ALG14: variants seen among roughly 807,000 people sequenced by gnomAD.
The protein encoded by ALG14 is UDP-N-acetylglucosamine transferase subunit ALG14.
Under a neutral mutation model 22.8 loss-of-function variants are expected in ALG14, and 17 were observed. That is an observed-to-expected ratio of 0.75 (90% CI 0.51 to 1.12). The LOEUF (loss-of-function observed/expected upper bound fraction) is 1.12. Among genes scored for constraint, ALG14 ranks in the 50% most tolerant of loss-of-function variants. The pLI is 0.00. For synonymous variants in ALG14, 89 were observed against 103.7 expected, an observed-to-expected ratio of 0.86 and a Z score of 0.86; for missense variants, 288 against 271.8, an observed-to-expected ratio of 1.06 and a Z score of -0.42.
rs142873352 is a variant in ALG14 at position 95,060,983 on chromosome 1, A to T, written c.288+3883T>A. 2.3e-3 allele frequency among the ~76,000 whole-genome samples: 354 copies of T among 152,340 alleles called. 3 individuals are homozygous for T. Among genetic ancestry groups the T allele is most frequent in the African/African-American group, 8.1e-3 (337 of 41,570 alleles). ...CAACCGGTATCCTCATAAAAAAGGC[A>T]TGTGAAGACAGAGATACAGAAAAGG... is the stretch of plus-strand genomic sequence containing the variant. On this transcript the variant is annotated intron_variant, in intron 2 of 3. Coordinates refer to ENST00000370205, the MANE Select transcript of ALG14 (RefSeq NM_144988.4).
chr1:95,069,194 A>G (rs1429716869), intron 1 of ALG14, among the ~76,000 whole-genome samples: 4 of 152,348 alleles, frequency 2.6e-5, no homozygotes, highest in East Asian at 1.9e-4. Context: ...ACTGAAAAAG[A>G]TAAGTCATGT....
intron 3 of ALG14, chr1:94,983,576 G>C: frequency 4.5e-6 from 2 of 442,100 alleles, no homozygotes; most frequent in Non-Finnish European, 8.3e-6. Flanking sequence ...AGTTCCTGGT[G>C]CTCAGTCAGC....
At chr1:95,047,626 G>T (rs1452635839) in intron 2 of ALG14, among the ~76,000 whole-genome samples, 1 of 152,198 alleles carries the variant, frequency 6.6e-6, no homozygotes, top group African/African-American at 2.4e-5. Flanking sequence ...TTACAGGTGT[G>T]AGCCACAGTG....
At position 95,030,587 on chromosome 1, in the gene ALG14, C is replaced by T. The variant is rs1035847334; in HGVS notation, c.289-3327G>A. On this transcript the variant is annotated intron_variant, in intron 2 of 3. Transcript: ENST00000370205. The stretch of plus-strand genomic sequence containing the variant: ...TTAAGGCTGTGAGCATACAACTTTA[C>T]GAAGCAGCAGCAATGAACAACATTT... 6.6e-5 allele frequency among the ~76,000 whole-genome samples: 10 copies of T among 152,246 alleles called. No individual in the cohort carries two copies. In the East Asian group the frequency reaches 1.3e-3, roughly 21 times the overall value.
chr1:95,013,565 C>T (rs1007424031), intron 3 of ALG14, among the ~76,000 whole-genome samples: 5 of 152,158 alleles, frequency 3.3e-5, no homozygotes, highest in African/African-American at 1.2e-4. Context: ...GTGACCCACC[C>T]TCCTCAGCCT....
rs141086244 is a variant in ALG14, at chr1:94,992,472, A to G, written c.421-9166T>C. 1.1e-4 allele frequency among the ~76,000 whole-genome samples: 17 copies of G among 152,310 alleles called. No individual in the cohort carries two copies. In the East Asian group the frequency reaches 3.3e-3, roughly 29 times the overall value. On this transcript the variant is annotated intron_variant, in intron 3 of 3. Transcript: ENST00000370205. ...GTATTCTGGGCAGAATCAGATACTG[A>G]TAAGAGCAAGAGGCAGTAAAGAGGA...
chr1:95,065,126 T>A, intron 1 of ALG14, 109 bp from the exon 2 acceptor site: 1 of 890,654 alleles, frequency 1.1e-6, no homozygotes. Flanking sequence ...GGGGGCACTG[T>A]AATTGTATAT....
intron 2 of ALG14, among the ~76,000 whole-genome samples, chr1:95,037,327 A>G (rs1385310485): frequency 6.6e-6 from 1 of 152,170 alleles, no homozygotes; most frequent in East Asian, 1.9e-4. Context: ...CCTGGCTACA[A>G]TGATTAGCTG....
rs1289607948 is a variant in ALG14 at position 94,975,061 on chromosome 1, T to G, written c.*8015A>C. Reference sequence around the variant, plus strand: ...ATACAATTCAGTGGCTTTTAGTATATTCACAGAGATGTACAACCATCACCA... The same window carrying G: ...ATACAATTCAGTGGCTTTTAGTATAGTCACAGAGATGTACAACCATCACCA... On this transcript the variant is annotated 3_prime_UTR_variant, in exon 4 of 4. Coordinates refer to ENST00000370205, the MANE Select transcript of ALG14 (RefSeq NM_144988.4). 6.6e-6 allele frequency: 1 copy of G among 152,238 alleles called. No homozygotes were observed. The highest frequency in any genetic ancestry group is 2.4e-5 in the African/African-American group (1 of 41,442). The allele number at this position is 152,238 out of a possible 1,614,324, so 9.4% of individuals were successfully genotyped here. A position where few individuals can be genotyped will look rare whatever the true frequency, so the allele number is the denominator to read the frequency against.
At chr1:94,999,381 GA>G (rs1673001206) in intron 3 of ALG14, among the ~76,000 whole-genome samples, 1 of 113,732 alleles carries the variant, frequency 8.8e-6, no homozygotes, top group Admixed American at 1.1e-4. Flanking sequence ...AACCTGAAAT[GA>G]GGCTTCAAGT....
intron 3 of ALG14, among the ~76,000 whole-genome samples, chr1:94,999,310 C>T (rs1367620413): frequency 6.9e-6 from 1 of 144,524 alleles, no homozygotes; most frequent in Non-Finnish European, 1.5e-5. Flanking sequence ...AGTCCTCTAG[C>T]TAAGTATCCA....
intron 2 of ALG14, among the ~76,000 whole-genome samples, chr1:95,049,548 T>TA (rs1453493420): frequency 6.7e-6 from 1 of 149,874 alleles, no homozygotes; most frequent in Non-Finnish European, 1.5e-5. Context: ...AAAAAATTAT[T>TA]AAAAAATAAA....
At chr1:95,009,610 A>T (rs956733679) in intron 3 of ALG14, among the ~76,000 whole-genome samples, 2 of 152,176 alleles carry the variant, frequency 1.3e-5, no homozygotes, top group Non-Finnish European at 2.9e-5. Flanking sequence ...TATTCTCTGT[A>T]TGCAAAATAA....
chr1:95,064,803 C>T, intron 2 of ALG14, 63 bp downstream of exon 2: 2 of 1,514,810 alleles, frequency 1.3e-6, no homozygotes, highest in Non-Finnish European at 1.8e-6. Flanking sequence ...GAGATTATTA[C>T]TAGAGACAAT....
chr1:95,022,531 C>T (rs758073427), intron 3 of ALG14, among the ~76,000 whole-genome samples: 42 of 152,126 alleles, frequency 2.8e-4, no homozygotes, highest in Non-Finnish European at 5.0e-4. Flanking sequence ...AAATTTACAG[C>T]GCATATATGG....
intron 2 of ALG14, among the ~76,000 whole-genome samples, chr1:95,061,309 G>T (rs1296481459): frequency 6.6e-6 from 1 of 152,072 alleles, no homozygotes; most frequent in Non-Finnish European, 1.5e-5. Flanking sequence ...AATCACTTTG[G>T]CTTATTTTCC....
At chr1:94,991,437 T>C (rs958203634) in intron 3 of ALG14, among the ~76,000 whole-genome samples, 4 of 152,236 alleles carry the variant, frequency 2.6e-5, no homozygotes, top group Admixed American at 6.5e-5. Flanking sequence ...TACTGAATAC[T>C]GTAGGCAACT....
At chr1:95,071,093 T>C (rs1039594381) in intron 1 of ALG14, among the ~76,000 whole-genome samples, 4 of 152,118 alleles carry the variant, frequency 2.6e-5, no homozygotes, top group Non-Finnish European at 5.9e-5. Context: ...TCTCAACCCA[T>C]GTAGAAACAG....
chr1:95,017,596 A>C (rs1448356912), intron 3 of ALG14, among the ~76,000 whole-genome samples: 2 of 151,416 alleles, frequency 1.3e-5, no homozygotes, highest in Non-Finnish European at 3.0e-5. Flanking sequence ...GATGAGAGGA[A>C]GAAAGAGAAA....
Sources: gnomAD v4.1 joint callset for allele counts (sites outside exome capture counted in the v4.1 genomes callset) on GRCh38, gnomAD v4.1.1 for gene constraint, MANE v1.5 for transcripts, NCBI Gene and HGNC (gene_info 2026-07-23, HGNC 2026-07-21) for gene names.